Variants in CES5A observed in about 807,000 individuals in gnomAD.
CES5A encodes the protein carboxylesterase 5A, also known as carboxylesterase 5.
In CES5A, 67 loss-of-function variants were observed where a neutral mutation model predicts 62.9. That is an observed-to-expected ratio of 1.07 (90% CI 0.88 to 1.31). The LOEUF is 1.31. CES5A is among the 50% of genes most tolerant of loss of function. CES5A has a pLI of 0.00. For synonymous variants in CES5A, 296 were observed against 280.8 expected, an observed-to-expected ratio of 1.05 and a Z score of -0.54; for missense variants, 748 against 708.5, an observed-to-expected ratio of 1.06 and a Z score of -0.63.
In CES5A at chr16:55,863,427, A is replaced by G; in HGVS notation, c.731T>C (p.Leu244Ser). 1.2e-6 allele frequency: 2 copies of G among 1,605,564 alleles called. No homozygotes were observed. The highest frequency in any genetic ancestry group is 1.7e-6 in the Non-Finnish European group (2 of 1,173,552). The stretch of plus-strand genomic sequence containing the variant: ...ACTCTCCATGATGGCTTTGTGGAAT[A>G]AGCCTTTGGCCATGGGAGACAGTAT... ...SLILSPMAKG[L>S]FHKAIMESGV... The change falls in exon 6 of 13, where the codon TTA becomes TCA. Residue 244 changes from leucine to serine, a missense_variant. By Grantham distance (145) the Leu-to-Ser change is moderately radical. Coordinates refer to ENST00000290567, the MANE Select transcript of CES5A (RefSeq NM_001143685.2).
At chr16:55,867,269 T>C (rs7405406) in intron 4 of CES5A, among the ~76,000 whole-genome samples, 43,091 of 151,778 alleles carry the variant, frequency 0.28, 6,265 homozygotes, top group Middle Eastern at 0.37. Flanking sequence ...CACAGAGAGG[T>C]TAAACCCTCT....
intron 5 of CES5A, among the ~76,000 whole-genome samples, chr16:55,865,393 G>A (rs11076127): frequency 2.0e-5 from 3 of 151,990 alleles, no homozygotes; most frequent in Non-Finnish European, 2.9e-5. Flanking sequence ...TCCCAAATGC[G>A]CTAAAGTCAG....
intron 1 of CES5A, among the ~76,000 whole-genome samples, chr16:55,908,390 G>T (rs770816462): frequency 6.6e-6 from 1 of 151,860 alleles, no homozygotes; most frequent in East Asian, 1.9e-4. Context: ...ATGGAGTTTC[G>T]CTCTTGTTGC....
At chr16:55,894,212 CT>C (rs1567344036) in intron 1 of CES5A, among the ~76,000 whole-genome samples, 2 of 151,954 alleles carry the variant, frequency 1.3e-5, no homozygotes, top group African/African-American at 4.8e-5. Flanking sequence ...CAGACCCACA[CT>C]GTAAGGAATA....
chr16:55,908,344 G>GTTTGT (rs1555485332), intron 1 of CES5A, among the ~76,000 whole-genome samples: 2 of 150,826 alleles, frequency 1.3e-5, no homozygotes, highest in Non-Finnish European at 3.0e-5. Context: ...CAGTTTTGTT[G>GTTTGT]TTGTTTGTTT....
intron 9 of CES5A, among the ~76,000 whole-genome samples, chr16:55,854,544 C>CTTTTTTCTTT (rs2033200535): frequency 9.3e-5 from 6 of 64,416 alleles, no homozygotes; most frequent in African/African-American, 4.2e-4. Flanking sequence ...TTTTTTTTTT[C>CTTTTTTCTTT]TTTTTTTTTT....
At chr16:55,881,116 A>AC (rs2033757058) in intron 1 of CES5A, among the ~76,000 whole-genome samples, 1 of 152,184 alleles carries the variant, frequency 6.6e-6, no homozygotes, top group Non-Finnish European at 1.5e-5. Context: ...GCCTGGCAGA[A>AC]GGAAGCCTCT....
intron 4 of CES5A, 190 bp downstream of exon 4, chr16:55,869,421 T>G (rs749254598): frequency 2.9e-5 from 32 of 1,102,496 alleles, no homozygotes; most frequent in African/African-American, 4.8e-5. Flanking sequence ...GAAAGAGATT[T>G]TTATTGTTTC....
rs116408412 is a variant in CES5A, at chr16:55,853,391, G to A, written c.1126-363C>T. Among the ~76,000 whole-genome samples, 215 of 152,262 alleles carry A rather than the reference G, an allele frequency of 1.4e-3. 1 individual carries two copies. Among genetic ancestry groups the A allele is most frequent in the African/African-American group, 5.0e-3 (206 of 41,550 alleles). ...TGCAAAGTAAAAACATAAACTGCTT[G>A]TTCAAAAAATCATTAAGAATTTCAA... On this transcript the variant is annotated intron_variant, in intron 9 of 12. Transcript: ENST00000290567.
chr16:55,899,941 A>G (rs1416707504), intron 1 of CES5A, among the ~76,000 whole-genome samples: 1 of 152,352 alleles, frequency 6.6e-6, no homozygotes, highest in South Asian at 2.1e-4. Flanking sequence ...TTTCAACTAA[A>G]GAGAGGGTTC....
At chr16:55,900,236 T>C (rs1185481991) in intron 1 of CES5A, among the ~76,000 whole-genome samples, 1 of 152,184 alleles carries the variant, frequency 6.6e-6, no homozygotes, top group Non-Finnish European at 1.5e-5. Context: ...GAGAGTTGTT[T>C]CCCATCACAA....
At chr16:55,852,738 G>A in intron 10 of CES5A, 143 bp downstream of exon 10, 1 of 850,256 alleles carries the variant, frequency 1.2e-6, no homozygotes, top group Non-Finnish European at 1.8e-6. Context: ...CCCATGGCAT[G>A]TTTCCATCCA....
Position 55,859,342 on chromosome 16 carries a change from A to T in CES5A, c.1056+205T>A, listed in dbSNP as rs1243549148. Reference sequence around the variant, plus strand: ...TTTCTTCCGCCCTAAACCTCATTACATGAGAAGCAAGGCAGACACTTGCTG... The same window carrying T: ...TTTCTTCCGCCCTAAACCTCATTACTTGAGAAGCAAGGCAGACACTTGCTG... On this transcript the variant is annotated intron_variant, in intron 8 of 12. Transcript: ENST00000290567. Among the ~76,000 whole-genome samples, 3 of 152,220 alleles carry T rather than the reference A, an allele frequency of 2.0e-5. No individual in the cohort carries two copies. The East Asian group carries it at 5.8e-4, about 29-fold the overall frequency.
rs372924963 is a variant in CES5A, at chr16:55,935,547, T to C, written c.160+14238A>G. The stretch of plus-strand genomic sequence containing the variant: ...CACGTAAAATTAATCATCACATCCA[T>C]CTTAGAATATGATTTCTTCTCCTTC... On this transcript the variant is annotated intron_variant, in intron 2 of 13. Transcript: ENST00000521992. 2.4e-4 allele frequency among the ~76,000 whole-genome samples: 36 copies of C among 152,316 alleles called. 2 individuals are homozygous for C. The East Asian group carries it at 3.7e-3, about 16-fold the overall frequency.
intron 4 of CES5A, among the ~76,000 whole-genome samples, chr16:55,866,548 C>T (rs1214571125): frequency 6.6e-6 from 1 of 151,316 alleles, no homozygotes; most frequent in Non-Finnish European, 1.5e-5. Context: ...ACAGGCCAGG[C>T]ACGGTGGCTC....
At chr16:55,915,976 T>C (rs894439848) in intron 1 of CES5A, among the ~76,000 whole-genome samples, 2 of 152,086 alleles carry the variant, frequency 1.3e-5, no homozygotes, top group African/African-American at 4.8e-5. Flanking sequence ...GGCATTGCAA[T>C]AAAGAAACAG....
chr16:55,908,200 T>G (rs2034057449), intron 1 of CES5A, among the ~76,000 whole-genome samples: 1 of 152,122 alleles, frequency 6.6e-6, no homozygotes, highest in South Asian at 2.1e-4. Flanking sequence ...TTTCTACTCC[T>G]TCACATCTTG....
intron 2 of CES5A, among the ~76,000 whole-genome samples, chr16:55,948,705 T>C (rs1256682524): frequency 6.6e-6 from 1 of 152,272 alleles, no homozygotes. Context: ...ACAGTGACAA[T>C]TGCTGTAATC....
intron 1 of CES5A, among the ~76,000 whole-genome samples, chr16:55,899,815 A>T (rs1244367382): frequency 6.6e-6 from 1 of 152,204 alleles, no homozygotes; most frequent in Non-Finnish European, 1.5e-5. Context: ...CCACAAGCTC[A>T]ATAGTGCTAA....
Sources: gnomAD v4.1 joint callset for allele counts (sites outside exome capture counted in the v4.1 genomes callset) on GRCh38, gnomAD v4.1.1 for gene constraint, MANE v1.5 for transcripts, NCBI Gene and HGNC (gene_info 2026-07-23, HGNC 2026-07-21) for gene names.